CYP4F22: variants seen among roughly 807,000 people sequenced by gnomAD.
CYP4F22 encodes the protein cytochrome P450 family 4 subfamily F member 22.
CYP4F22 carries 37 observed loss-of-function variants against 60.4 expected under a neutral mutation model. The observed-to-expected ratio is 0.61, with a 90% CI of 0.47 to 0.81. The LOEUF is 0.81. CYP4F22 is among the 30% of genes least tolerant of loss of function. The probability of loss-of-function intolerance (pLI) is 0.00; values close to 1 mark genes in which losing one functional copy is unlikely to be tolerated. For missense variants in CYP4F22, 655 were observed against 715.0 expected (o/e 0.92, Z 0.96); for synonymous variants, 258 against 280.5 (o/e 0.92, Z 0.80).
At chr19:15,545,436 T>A in intron 10 of CYP4F22, among the ~76,000 whole-genome samples, 1 of 151,510 alleles carries the variant, frequency 6.6e-6, no homozygotes, top group South Asian at 2.1e-4. Flanking sequence ...TTGCTTGAGC[T>A]GAGGTGTTTG....
chr19:15,549,189 G>A lies in CYP4F22; in HGVS notation c.1322G>A (p.Trp441Ter), dbSNP rs377609523. Residue 441 changes from tryptophan to a stop codon, truncating the protein, a stop_gained, in exon 12 of 14, where the codon TGG (tryptophan) becomes TAG (stop). Coordinates refer to ENST00000269703, the MANE Select transcript of CYP4F22 (RefSeq NM_173483.4). LOFTEE classifies it high-confidence loss of function. ...IYGTHHNPTV[W>*]PDSKVYNPYR... is the part of the protein sequence containing the mutation. ...GGAACCCACCACAACCCCACAGTGT[G>A]GCCTGACTCCAAGGTGAGTGCCTGC... The A allele has an allele frequency of 2.5e-6, 4 of 1,613,896 alleles. No homozygotes were observed. The highest frequency in any genetic ancestry group is 3.4e-6 in the Non-Finnish European group (4 of 1,180,008).
At chr19:15,523,981 G>A (rs999227776) in intron 2 of CYP4F22, among the ~76,000 whole-genome samples, 182 bp downstream of exon 2, 1 of 151,906 alleles carries the variant, frequency 6.6e-6, no homozygotes, top group African/African-American at 2.4e-5. Flanking sequence ...GATCACATGA[G>A]GCTGGGAGGT....
intron 10 of CYP4F22, among the ~76,000 whole-genome samples, chr19:15,547,110 G>A (rs1409595331): frequency 1.4e-5 from 2 of 140,400 alleles, no homozygotes; most frequent in East Asian, 2.3e-4. Context: ...TGCAACCTCC[G>A]CCTTCCGGGT....
At chr19:15,512,679 G>A (rs997666263) in intron 1 of CYP4F22, among the ~76,000 whole-genome samples, 2 of 152,076 alleles carry the variant, frequency 1.3e-5, no homozygotes, top group Non-Finnish European at 2.9e-5. Context: ...CTTGGTTCAA[G>A]TGATCCTCCC....
chr19:15,550,522 G>A (rs183503671), intron 12 of CYP4F22, 152 bp from the exon 13 acceptor site: 10 of 735,666 alleles, frequency 1.4e-5, no homozygotes, highest in East Asian at 2.6e-5. Context: ...GGCAGGTGTG[G>A]CTGCATTGCA....
At chr19:15,543,839 A>G in intron 8 of CYP4F22, 132 bp from the exon 9 acceptor site, 1 of 924,024 alleles carries the variant, frequency 1.1e-6, no homozygotes, top group South Asian at 1.4e-5. Flanking sequence ...CCTGGGTGAT[A>G]GAGCGAGACT....
intron 4 of CYP4F22, among the ~76,000 whole-genome samples, chr19:15,530,290 C>T (rs1971328698): frequency 1.3e-5 from 2 of 152,184 alleles, no homozygotes; most frequent in South Asian, 4.1e-4. Flanking sequence ...AGAATTCCTT[C>T]TTCCTCGTGC....
Position 15,551,663 on chromosome 19 carries a change from G to C in CYP4F22, c.*192G>C. On this transcript the variant is annotated 3_prime_UTR_variant, in exon 14 of 14. Coordinates refer to ENST00000269703, the MANE Select transcript of CYP4F22 (RefSeq NM_173483.4). ...CTCAAGGCAAGGCTCCTCCCCTTAG[G>C]GGGCCTGATCCCGCCCCTTGAGGCT... The C allele has an allele frequency of 1.4e-6, 1 of 698,264 alleles. No homozygotes were observed. The highest frequency in any genetic ancestry group is 1.9e-5 in the South Asian group (1 of 52,392). The allele number at this position is 698,264 out of a possible 1,614,324, so 43.3% of individuals were successfully genotyped here. A position where few individuals can be genotyped will look rare whatever the true frequency, so the allele number is the denominator to read the frequency against.
rs113484885 is a variant in CYP4F22, at chr19:15,540,881, T to C, written c.939+164T>C. 5.8e-3 allele frequency among the ~76,000 whole-genome samples: 889 copies of C among 152,314 alleles called. 4 individuals are homozygous for C. The highest frequency in any genetic ancestry group is 8.7e-3 in the Non-Finnish European group (590 of 68,028). ...GGGAGGATCGCTTGAGCCCTGGAAT[T>C]GGAGATCAGCCTGGGCAACACAGGG... On this transcript the variant is annotated intron_variant, in intron 8 of 13. Coordinates refer to ENST00000269703, the MANE Select transcript of CYP4F22 (RefSeq NM_173483.4).
At chr19:15,545,648 C>CAACAA (rs1971514926) in intron 10 of CYP4F22, among the ~76,000 whole-genome samples, 1 of 38,938 alleles carries the variant, frequency 2.6e-5, no homozygotes, top group African/African-American at 1.1e-4. Context: ...GACCCTGTCT[C>CAACAA]AAAAAAAAAA....
At chr19:15,546,111 A>G (rs1971523724) in intron 10 of CYP4F22, among the ~76,000 whole-genome samples, 1 of 152,056 alleles carries the variant, frequency 6.6e-6, no homozygotes, top group Non-Finnish European at 1.5e-5. Context: ...AGTAGGTGGG[A>G]CTATAGGAGT....
chr19:15,541,863 C>A (rs1971466659), intron 8 of CYP4F22, among the ~76,000 whole-genome samples: 1 of 125,418 alleles, frequency 8.0e-6, no homozygotes, highest in African/African-American at 3.6e-5. Context: ...GAAACTCCGT[C>A]TCAAAAAAAA....
chr19:15,518,405 C>A (rs1971179159), intron 1 of CYP4F22, among the ~76,000 whole-genome samples: 1 of 151,488 alleles, frequency 6.6e-6, no homozygotes, highest in Non-Finnish European at 1.5e-5. Context: ...CTTTGGGAGG[C>A]CGAGGCGGGC....
At chr19:15,530,788 A>G (rs1599800308) in intron 4 of CYP4F22, among the ~76,000 whole-genome samples, 1 of 152,132 alleles carries the variant, frequency 6.6e-6, no homozygotes, top group Non-Finnish European at 1.5e-5. Context: ...AACCGCCCCC[A>G]TGATTCAATT....
chr19:15,528,289 C>CA (rs929592199), intron 3 of CYP4F22, among the ~76,000 whole-genome samples: 2 of 152,048 alleles, frequency 1.3e-5, no homozygotes, highest in Admixed American at 6.5e-5. Flanking sequence ...CCAGTTTTTA[C>CA]AAAAAAATTA....
At chr19:15,519,622 C>T (rs940314487) in intron 1 of CYP4F22, among the ~76,000 whole-genome samples, 1 of 151,976 alleles carries the variant, frequency 6.6e-6, no homozygotes, top group Non-Finnish European at 1.5e-5. Flanking sequence ...TCCTGAAGGG[C>T]TTTGGATGCC....
chr19:15,551,128 T>C (rs193043285), intron 13 of CYP4F22, among the ~76,000 whole-genome samples, 166 bp from the exon 14 acceptor site: 181 of 152,328 alleles, frequency 1.2e-3, no homozygotes, highest in Admixed American at 2.0e-3. Flanking sequence ...GTCACATTAA[T>C]TGAGCGATCC....
intron 1 of CYP4F22, among the ~76,000 whole-genome samples, chr19:15,518,647 C>CAAAAAAAAAAAAAA (rs748509278): frequency 4.3e-5 from 1 of 23,508 alleles, no homozygotes; most frequent in Non-Finnish European, 8.7e-5. Flanking sequence ...GACTTTGTCT[C>CAAAAAAAAAAAAAA]AAAAAAAAAA....
Position 15,551,345 on chromosome 19 carries a change from A to T in CYP4F22, c.1470A>T (p.Ala490=), listed in dbSNP as rs776425621. ...TGGCCGAGTTGCGCGTGGTTGTGGC[A>T]CTAACACTGCTACGTTTCCGCCTGA... ...FAMAELRVVV[A]LTLLRFRLSV... is the part of the protein sequence containing the mutation. The change falls in exon 14 of 14, where the codon GCA becomes GCT. Residue 490 remains alanine, a synonymous_variant. Transcript: ENST00000269703. 6.2e-7 allele frequency: 1 copy of T among 1,613,598 alleles called. No individual in the cohort carries two copies. The highest frequency in any genetic ancestry group is 1.1e-5 in the South Asian group (1 of 90,912).
Sources: allele counts gnomAD v4.1 joint callset (sites outside exome capture counted in the v4.1 genomes callset), GRCh38; gene constraint gnomAD v4.1.1; transcripts MANE v1.5; gene names NCBI Gene and HGNC (gene_info 2026-07-23, HGNC 2026-07-21).